Variants in RALGPS1 observed in about 807,000 individuals in gnomAD.
The protein encoded by RALGPS1 is ras-specific guanine nucleotide-releasing factor RalGPS1.
In RALGPS1, 19 loss-of-function variants were observed where a neutral mutation model predicts 78.8. The observed-to-expected ratio is 0.24, with a 90% confidence interval of 0.17 to 0.35. RALGPS1 has a LOEUF of 0.35. RALGPS1 is among the 10% of genes least tolerant of loss of function. The probability of loss-of-function intolerance (pLI) is 1.00; values close to 1 mark genes in which losing one functional copy is unlikely to be tolerated. For synonymous variants in RALGPS1, 228 were observed against 256.3 expected (o/e 0.89, Z 1.06); for missense variants, 454 against 688.3 (o/e 0.66, Z 3.81).
chr9:127,108,646 C>T lies in RALGPS1; in HGVS notation c.610+39290C>T. 6.2e-7 allele frequency: 1 copy of T among 1,613,754 alleles called. No homozygotes were observed. The highest frequency in any genetic ancestry group is 8.5e-7 in the Non-Finnish European group (1 of 1,179,968). On this transcript the variant is annotated intron_variant, in intron 8 of 18. Transcript: ENST00000259351. ...CTCTCTTGGCGAGCCCTCCTCAGTG[C>T]CCTCAAAACCGTCCTCCTGGCCTGC...
intron 3 of RALGPS1, among the ~76,000 whole-genome samples, chr9:126,968,729 T>C (rs2039781729): frequency 6.6e-6 from 1 of 152,220 alleles, no homozygotes; most frequent in South Asian, 2.1e-4. Flanking sequence ...AGAAATACAA[T>C]GTAAGCTACA....
chr9:127,133,561 C>T (rs1168166426), intron 8 of RALGPS1, among the ~76,000 whole-genome samples: 1 of 152,222 alleles, frequency 6.6e-6, no homozygotes, highest in Admixed American at 6.5e-5. Context: ...CCCCACCCTG[C>T]CACCCACTCA....
intron 11 of RALGPS1, among the ~76,000 whole-genome samples, chr9:127,186,910 A>AG (rs1487918435): frequency 1.3e-5 from 2 of 152,188 alleles, no homozygotes; most frequent in African/African-American, 4.8e-5. Flanking sequence ...GAAGAGACCA[A>AG]GGGCAAGTCC....
chr9:127,004,716 T>C (rs146169414), intron 4 of RALGPS1, among the ~76,000 whole-genome samples: 21 of 152,296 alleles, frequency 1.4e-4, no homozygotes, highest in Non-Finnish European at 2.8e-4. Context: ...AAAAATATAT[T>C]GTGAAGCTTA....
chr9:127,036,906 C>T (rs537507802), intron 5 of RALGPS1, among the ~76,000 whole-genome samples: 5 of 152,222 alleles, frequency 3.3e-5, no homozygotes, highest in Admixed American at 6.5e-5. Context: ...CACTGCCTTC[C>T]GGAAGTTTAT....
intron 11 of RALGPS1, among the ~76,000 whole-genome samples, chr9:127,180,564 C>T (rs2060148238): frequency 6.6e-6 from 1 of 152,236 alleles, no homozygotes; most frequent in African/African-American, 2.4e-5. Context: ...CACAGGGTCT[C>T]TGGGGAAGTC....
At chr9:126,962,394 C>G (rs368523445) in intron 2 of RALGPS1, 48 bp downstream of exon 2, 4 of 1,587,416 alleles carry the variant, frequency 2.5e-6, no homozygotes, top group Non-Finnish European at 3.5e-6. Context: ...GGTCTCCTTT[C>G]AGCTAACCCA....
At chr9:126,944,453 G>A (rs540164628) in intron 1 of RALGPS1, among the ~76,000 whole-genome samples, 2 of 151,988 alleles carry the variant, frequency 1.3e-5, no homozygotes, top group Non-Finnish European at 2.9e-5. Flanking sequence ...TGGCCCACAC[G>A]TAACAGGTGT....
rs1010514033 is a variant in RALGPS1, at chr9:127,136,657, C to T, written c.611-29412C>T. Reference sequence around the variant, plus strand: ...GTGGAGTCCTGAGCTCAGCCCTGGCCCCCCCAGAGGCATTCCACACTTGCA... The same window carrying T: ...GTGGAGTCCTGAGCTCAGCCCTGGCTCCCCCAGAGGCATTCCACACTTGCA... On this transcript the variant is annotated intron_variant, in intron 8 of 18. Coordinates refer to ENST00000259351, the MANE Select transcript of RALGPS1 (RefSeq NM_014636.3). Among the ~76,000 whole-genome samples the T allele has an allele frequency of 2.1e-5, 3 of 144,894 alleles. No homozygotes were observed. In the South Asian group the frequency reaches 6.4e-4, roughly 31 times the overall value.
chr9:127,030,292 A>G (rs2046318230), intron 4 of RALGPS1, among the ~76,000 whole-genome samples: 1 of 152,188 alleles, frequency 6.6e-6, no homozygotes, highest in Non-Finnish European at 1.5e-5. Flanking sequence ...AGAAATATAG[A>G]AGAATGTAGA....
At chr9:126,990,108 C>A in intron 4 of RALGPS1, 1 of 1,302,488 alleles carries the variant, frequency 7.7e-7, no homozygotes, top group Non-Finnish European at 1.1e-6. Context: ...TGTGTCTTTG[C>A]TGCTCCTTGG....
chr9:127,053,077 G>A (rs1324018441), intron 7 of RALGPS1, 138 bp downstream of exon 7: 2 of 656,998 alleles, frequency 3.0e-6, no homozygotes, highest in South Asian at 1.9e-5. Flanking sequence ...TGACAGTTCT[G>A]TAGGCATCCT....
At chr9:127,102,719 A>T (rs932857574) in intron 8 of RALGPS1, among the ~76,000 whole-genome samples, 4 of 152,198 alleles carry the variant, frequency 2.6e-5, no homozygotes, top group African/African-American at 9.7e-5. Context: ...GCAATAAGGG[A>T]GCTGGCCCTC....
Position 127,034,527 on chromosome 9 carries a change from C to A in RALGPS1, c.300+13C>A, listed in dbSNP as rs766927290. 1 of 1,610,006 alleles carries A rather than the reference C, an allele frequency of 6.2e-7. No homozygotes were observed. The highest frequency in any genetic ancestry group is 8.5e-7 in the Non-Finnish European group (1 of 1,176,346). ...GAGGTTTAACCAGGTAAGCAACACC[C>A]CTTGCATGTGCCTATCCAGAGAGCA... On this transcript the variant is annotated intron_variant, in intron 5 of 18. Transcript: ENST00000259351.
chr9:127,176,327 C>T (rs1165498848), intron 11 of RALGPS1, among the ~76,000 whole-genome samples: 1 of 152,200 alleles, frequency 6.6e-6, no homozygotes. Flanking sequence ...TCTACTTTGT[C>T]ATTTCTGCCA....
chr9:127,091,974 C>T lies in RALGPS1; in HGVS notation c.610+22618C>T. 1 of 1,598,170 alleles carries T rather than the reference C, an allele frequency of 6.3e-7. No individual in the cohort carries two copies. The highest frequency in any genetic ancestry group is 8.5e-7 in the Non-Finnish European group (1 of 1,170,376). ...AACCCAGGAGAGTGTTAATGTGGAGCCTGCAGCACCTGCAGCCAGCAGGCT... is the reference window on the plus strand; with the variant it reads ...AACCCAGGAGAGTGTTAATGTGGAGTCTGCAGCACCTGCAGCCAGCAGGCT... On this transcript the variant is annotated intron_variant, in intron 8 of 18. Transcript: ENST00000259351. This position sits in a 1 kb window ranked among gnomAD's most constrained non-coding sequence, Gnocchi z 4.3.
At chr9:127,039,695 C>T (rs1358668020) in intron 5 of RALGPS1, among the ~76,000 whole-genome samples, 1 of 151,950 alleles carries the variant, frequency 6.6e-6, no homozygotes, top group Non-Finnish European at 1.5e-5. Flanking sequence ...AGAGATGAGT[C>T]AGCAGAAAGG....
intron 4 of RALGPS1, among the ~76,000 whole-genome samples, chr9:127,015,114 G>A (rs1316424215): frequency 6.6e-6 from 1 of 152,158 alleles, no homozygotes; most frequent in African/African-American, 2.4e-5. Context: ...CCCCTGTGGT[G>A]CCATTCACTT....
intron 8 of RALGPS1, among the ~76,000 whole-genome samples, chr9:127,103,998 A>G (rs1162136495): frequency 2.0e-5 from 3 of 152,174 alleles, no homozygotes; most frequent in Non-Finnish European, 4.4e-5. Flanking sequence ...ATGAACCTCA[A>G]TATCCTGCAA....
Sources: gnomAD v4.1 joint callset for allele counts (sites outside exome capture counted in the v4.1 genomes callset) on GRCh38, gnomAD v4.1.1 for gene constraint, Gnocchi (gnomAD v3.1) non-coding constraint, MANE v1.5 for transcripts, NCBI Gene and HGNC (gene_info 2026-07-23, HGNC 2026-07-21) for gene names.